PAOX: variants seen among roughly 807,000 people sequenced by gnomAD.
The protein encoded by PAOX is peroxisomal N(1)-acetyl-spermine/spermidine oxidase.
PAOX carries 38 observed loss-of-function variants against 39.0 expected under a neutral mutation model. The ratio of observed to expected loss-of-function variants is 0.97; its 90% CI spans 0.75 to 1.28. PAOX has a LOEUF of 1.28. Among genes scored for constraint, PAOX ranks in the 50% most tolerant of loss-of-function variants. The pLI is 0.00. For missense variants in PAOX, 667 were observed against 685.7 expected, an observed-to-expected ratio of 0.97 and a Z score of 0.30; for synonymous variants, 311 against 314.4, an observed-to-expected ratio of 0.99 and a Z score of 0.11.
intron 3 of PAOX, 94 bp downstream of exon 3, chr10:133,381,753 C>A: frequency 7.6e-7 from 1 of 1,311,154 alleles, no homozygotes; most frequent in South Asian, 1.3e-5. Flanking sequence ...TGCTTGTGTA[C>A]GAAGCTCACA....
intron 3 of PAOX, 46 bp from the exon 4 acceptor site, chr10:133,383,914 T>C: frequency 6.4e-7 from 1 of 1,574,668 alleles, no homozygotes; most frequent in Non-Finnish European, 8.6e-7. Flanking sequence ...AGGACTTCCG[T>C]GGAGGGCTTT....
At chr10:133,382,066 G>A (rs1455074437) in intron 3 of PAOX, among the ~76,000 whole-genome samples, 2 of 152,162 alleles carry the variant, frequency 1.3e-5, no homozygotes, top group African/African-American at 4.8e-5. Flanking sequence ...ATCTGTCCTT[G>A]AGTAGAGGTG....
Position 133,389,022 on chromosome 10 carries a change from T to G in PAOX, c.1188T>G (p.Asp396Glu), listed in dbSNP as rs1564814388. ...LESEFMETLSDEEVLLCLTQV... is the reference protein window; with the variant it reads ...LESEFMETLSEEEVLLCLTQV... ...CTGAGTTCATGGAGACTCTGTCGGATGAAGAAGTACTTCTGTGTCTCACCC... is the reference window on the plus strand; with the variant it reads ...CTGAGTTCATGGAGACTCTGTCGGAGGAAGAAGTACTTCTGTGTCTCACCC... Residue 396 changes from aspartate to glutamate, a missense_variant, in exon 5 of 7, where the codon GAT (aspartate) becomes GAG (glutamate). Asp to Glu is a conservative substitution (Grantham distance 45). Coordinates refer to ENST00000278060, the MANE Select transcript of PAOX (RefSeq NM_152911.4). The G allele has an allele frequency of 6.2e-7, 1 of 1,614,224 alleles. No homozygotes were observed. The highest frequency in any genetic ancestry group is 1.1e-5 in the South Asian group (1 of 91,088).
At chr10:133,387,504 G>C (rs1031143450) in intron 4 of PAOX, among the ~76,000 whole-genome samples, 2 of 152,166 alleles carry the variant, frequency 1.3e-5, no homozygotes, top group Non-Finnish European at 2.9e-5. Context: ...CTATTTGTTA[G>C]TTGTTTTCCT....
At position 133,380,287 on chromosome 10, in the gene PAOX, A is replaced by G. The variant is rs764241541; in HGVS notation, c.470A>G (p.Glu157Gly). The G allele has an allele frequency of 6.2e-7, 1 of 1,612,860 alleles. No homozygotes were observed. Among genetic ancestry groups the G allele is most frequent in the East Asian group, 2.2e-5 (1 of 44,872 alleles). Residue 157 changes from glutamate to glycine, a missense_variant, in exon 2 of 7, where the codon GAG becomes GGG. Physicochemically the swap from Glu to Gly is moderately conservative, Grantham distance 98. Transcript: ENST00000278060. Reference protein sequence around the residue: ...AAETPVPSVGEYLKKEIGQHV... With the variant: ...AAETPVPSVGGYLKKEIGQHV... ...GAGACCCCGGTGCCCAGCGTCGGGG[A>G]GTACCTCAAGAAGGAGATTGGCCAG...
At chr10:133,383,215 G>A (rs752396597) in intron 3 of PAOX, among the ~76,000 whole-genome samples, 1 of 152,126 alleles carries the variant, frequency 6.6e-6, no homozygotes, top group Non-Finnish European at 1.5e-5. Flanking sequence ...AATTTGCCAC[G>A]CAGTGTTTTC....
chr10:133,384,362 C>T lies in PAOX; in HGVS notation c.1121+150C>T. 3 of 1,277,904 alleles carry T rather than the reference C, an allele frequency of 2.3e-6. No individual in the cohort carries two copies. The highest frequency in any genetic ancestry group is 2.9e-5 in the South Asian group (2 of 68,870). 79.2% of individuals were successfully genotyped at this position (1,277,904 alleles called of 1,614,324 possible). ...TGAGCGCCCCCCCACCAGGTGCTGG[C>T]TGCACCTGGGCCTGACCCCTGCGGG... is the stretch of plus-strand genomic sequence containing the variant. On this transcript the variant is annotated intron_variant, in intron 4 of 6. Transcript: ENST00000278060. The surrounding 1 kb of genome is among the most constrained non-coding windows in gnomAD (Gnocchi z 4.3).
At position 133,380,449 on chromosome 10, in the gene PAOX, A is replaced by G; in HGVS notation, c.632A>G (p.Tyr211Cys). 1.2e-6 allele frequency: 2 copies of G among 1,611,680 alleles called. No homozygotes were observed. The highest frequency in any genetic ancestry group is 1.6e-4 in the Middle Eastern group (1 of 6,062). ...DLVALAPFGE[Y>C]TVLPGLDCTF... Reference sequence around the variant, plus strand: ...GTGGCCCTGGCACCCTTTGGGGAGTATACCGTGCTGCCGGGGCTGGACTGC... The same window carrying G: ...GTGGCCCTGGCACCCTTTGGGGAGTGTACCGTGCTGCCGGGGCTGGACTGC... Residue 211 changes from tyrosine to cysteine, a missense_variant, in exon 2 of 7, where the codon TAT (tyrosine) becomes TGT (cysteine). Transcript: ENST00000278060.
rs1337533847 is a variant in PAOX at position 133,381,642 on chromosome 10, TCGTCAC to T, written c.855_860del (p.Thr286_Val287del). 7 of 1,613,128 alleles carry T rather than the reference TCGTCAC, an allele frequency of 4.3e-6. No homozygotes were observed. Among genetic ancestry groups the T allele is most frequent in the Non-Finnish European group, 5.9e-6 (7 of 1,180,006 alleles). On this transcript the variant is annotated inframe_deletion, in exon 3 of 7. Coordinates refer to ENST00000278060, the MANE Select transcript of PAOX (RefSeq NM_152911.4). The stretch of plus-strand genomic sequence containing the variant: ...GACCGGTTCCCGGCGCACCATGTCA[TCGTCAC>T]CGTGCCCTTAGGTAGGTCAGGTTTT...
Position 133,380,318 on chromosome 10 carries a change from G to A in PAOX, c.501G>A (p.Val167=), listed in dbSNP as rs2133456134. 1 of 1,612,932 alleles carries A rather than the reference G, an allele frequency of 6.2e-7. No homozygotes were observed. Among genetic ancestry groups the A allele is most frequent in the East Asian group, 2.2e-5 (1 of 44,876 alleles). ...EYLKKEIGQH[V]AGWTEDEETR... The stretch of plus-strand genomic sequence containing the variant: ...TCAAGAAGGAGATTGGCCAGCACGT[G>A]GCCGGCTGGACAGAGGATGAGGAGA... Residue 167 remains valine (V), a synonymous_variant, in exon 2 of 7, where the codon GTG becomes GTA. Transcript: ENST00000278060.
At chr10:133,389,119 A>G in intron 5 of PAOX, 51 bp downstream of exon 5, 5 of 1,398,376 alleles carry the variant, frequency 3.6e-6, no homozygotes, top group Non-Finnish European at 5.1e-6. Flanking sequence ...TTACTGGTTG[A>G]TCTCTAAACA....
chr10:133,383,173 G>A (rs1280771816), intron 3 of PAOX, among the ~76,000 whole-genome samples: 4 of 151,968 alleles, frequency 2.6e-5, no homozygotes, highest in East Asian at 1.9e-4. Context: ...AGACCAGAGC[G>A]AAACTCCGTC....
In PAOX at chr10:133,380,456, G is replaced by A; in HGVS notation, c.639G>A (p.Val213=). Residue 213 remains valine (V), a synonymous_variant, in exon 2 of 7, where the codon GTG becomes GTA. Coordinates refer to ENST00000278060, the MANE Select transcript of PAOX (RefSeq NM_152911.4). ...VALAPFGEYT[V]LPGLDCTFSK... ...TGGCACCCTTTGGGGAGTATACCGT[G>A]CTGCCGGGGCTGGACTGCACCTTTT... 1.2e-6 allele frequency: 2 copies of A among 1,610,678 alleles called. No individual in the cohort carries two copies. The highest frequency in any genetic ancestry group is 1.7e-6 in the Non-Finnish European group (2 of 1,179,936).
At chr10:133,382,070 A>G (rs1177166193) in intron 3 of PAOX, among the ~76,000 whole-genome samples, 1 of 152,124 alleles carries the variant, frequency 6.6e-6, no homozygotes, top group Non-Finnish European at 1.5e-5. Flanking sequence ...GTCCTTGAGT[A>G]GAGGTGGTTT....
Position 133,391,380 on chromosome 10 carries a change from G to C in PAOX, c.1461G>C (p.Leu487=), listed in dbSNP as rs760480053. The change falls in exon 7 of 7, where the codon CTG becomes CTC. Residue 487 remains leucine (L), a synonymous_variant. Coordinates refer to ENST00000278060, the MANE Select transcript of PAOX (RefSeq NM_152911.4). ...TFYSTTHGAL[L]SGWREADRLL... ...ACTCCACGACGCACGGGGCTCTGCT[G>C]TCGGGATGGAGGGAGGCCGACCGCC... The C allele has an allele frequency of 1.2e-5, 19 of 1,613,328 alleles. No individual in the cohort carries two copies. Among genetic ancestry groups the C allele is most frequent in the Admixed American group, 1.0e-4 (6 of 60,004 alleles).
At chr10:133,389,335 C>T (rs753655597) in intron 5 of PAOX, among the ~76,000 whole-genome samples, 6 of 152,292 alleles carry the variant, frequency 3.9e-5, no homozygotes, top group South Asian at 4.1e-4. Flanking sequence ...ACCCAAGGCT[C>T]GGAAACAGTA....
chr10:133,379,687 C>A, intron 1 of PAOX, 190 bp downstream of exon 1: 1 of 587,222 alleles, frequency 1.7e-6, no homozygotes, highest in African/African-American at 1.9e-5. Flanking sequence ...CAGGAGGGCG[C>A]CGGCCAGGGA....
rs1849284793 is a variant in PAOX, at chr10:133,379,405, A to C, written c.89A>C (p.Gln30Pro). The change falls in exon 1 of 7, where the codon CAG becomes CCG. Residue 30 changes from glutamine to proline, a missense_variant. Physicochemically the swap from Gln to Pro is moderately conservative, Grantham distance 76 (BLOSUM62 -1). Transcript: ENST00000278060. ...GGCATCGCGGGGCTGGGCGCGGCGC[A>C]GAGGCTCTGCGGCCACTCCGCCTTC... ...GGGIAGLGAA[Q>P]RLCGHSAFPH... 1.6e-6 allele frequency: 2 copies of C among 1,222,568 alleles called. No homozygotes were observed. 75.7% of individuals were successfully genotyped at this position (1,222,568 alleles called of 1,614,324 possible).
intron 4 of PAOX, among the ~76,000 whole-genome samples, chr10:133,388,274 A>T (rs1589899216): frequency 6.6e-6 from 1 of 152,018 alleles, no homozygotes; most frequent in South Asian, 2.1e-4. Flanking sequence ...CCCATTAGTT[A>T]TTTTTCCTGC....
Sources: allele counts gnomAD v4.1 joint callset (sites outside exome capture counted in the v4.1 genomes callset), GRCh38; gene constraint gnomAD v4.1.1; non-coding constraint Gnocchi (gnomAD v3.1); transcripts MANE v1.5; gene names NCBI Gene and HGNC (gene_info 2026-07-23, HGNC 2026-07-21).